Variants in PAX5 observed in about 807,000 individuals in gnomAD.
The protein encoded by PAX5 is paired box protein Pax-5.
A neutral mutation model predicts 43.7 loss-of-function variants in PAX5; 9 were observed. The ratio of observed to expected loss-of-function variants is 0.21; its 90% CI spans 0.12 to 0.36. PAX5 has a LOEUF of 0.36. Among genes scored for constraint, PAX5 ranks in the 10% least tolerant of loss-of-function variants. The pLI is 1.00. For missense variants in PAX5, 383 were observed against 532.7 expected (o/e 0.72, Z 2.77); for synonymous variants, 228 against 214.3 (o/e 1.06, Z -0.56).
rs1832054534 is a variant in PAX5, at chr9:36,941,617, G to C, written c.781-18133C>G. Among the ~76,000 whole-genome samples, 4 of 152,302 alleles carry C rather than the reference G, an allele frequency of 2.6e-5. No individual in the cohort carries two copies. The South Asian group carries it at 8.3e-4, about 32-fold the overall frequency. ...CTAGGAGCCAGCCAGGTAGGCACTG[G>C]GGAGGATCTGGAGACCTCAGACTCC... On this transcript the variant is annotated intron_variant, in intron 6 of 9. Coordinates refer to ENST00000358127, the MANE Select transcript of PAX5 (RefSeq NM_016734.3).
intron 7 of PAX5, among the ~76,000 whole-genome samples, chr9:36,893,276 C>T (rs1046697756): frequency 3.9e-5 from 6 of 152,192 alleles, no homozygotes; most frequent in African/African-American, 9.7e-5. Flanking sequence ...GAACTTCTCG[C>T]GTTCAAGGAC....
chr9:36,918,444 C>T (rs1563965564), intron 7 of PAX5, among the ~76,000 whole-genome samples: 1 of 152,108 alleles, frequency 6.6e-6, no homozygotes, highest in African/African-American at 2.4e-5. Flanking sequence ...GGGAGGATTG[C>T]TTGAGCCTAG....
chr9:36,927,778 G>T (rs1410489166), intron 6 of PAX5, among the ~76,000 whole-genome samples: 1 of 149,362 alleles, frequency 6.7e-6, no homozygotes, highest in Non-Finnish European at 1.5e-5. Context: ...GCACGATCTT[G>T]GCTCACTGCA....
At chr9:37,002,819 G>T in intron 4 of PAX5, 43 bp from the exon 5 acceptor site, 1 of 1,575,792 alleles carries the variant, frequency 6.3e-7, no homozygotes, top group African/African-American at 1.3e-5. Context: ...AGAGGGCTGA[G>T]GGCGGCGGAC....
Position 36,837,067 on chromosome 9 carries a change from T to C in PAX5, c.*3493A>G, listed in dbSNP as rs1422320501. The C allele has an allele frequency of 1.3e-5, 3 of 232,084 alleles. No homozygotes were observed. The highest frequency in any genetic ancestry group is 6.1e-5 in the East Asian group (1 of 16,468). The allele number at this position is 232,084 out of a possible 1,614,324, so 14.4% of individuals were successfully genotyped here. On this transcript the variant is annotated 3_prime_UTR_variant, in exon 10 of 10. Transcript: ENST00000358127. Reference sequence around the variant, plus strand: ...TGGGTCCCTGTTCTTTCTTGCCTGATTGTGGGTCTGGGGGATTTCTAGGGA... The same window carrying C: ...TGGGTCCCTGTTCTTTCTTGCCTGACTGTGGGTCTGGGGGATTTCTAGGGA...
chr9:36,962,299 G>A (rs1410946437), intron 6 of PAX5, among the ~76,000 whole-genome samples: 4 of 152,218 alleles, frequency 2.6e-5, no homozygotes, highest in African/African-American at 4.8e-5. Context: ...CCCTGGAATC[G>A]TCCTGGACCT....
intron 5 of PAX5, 45 bp from the exon 6 acceptor site, chr9:36,966,769 G>A (rs755925384): frequency 5.1e-6 from 8 of 1,568,332 alleles, no homozygotes; most frequent in Middle Eastern, 1.7e-4. Flanking sequence ...GGTTATACAC[G>A]TTGCTAAAGA....
At chr9:37,030,507 T>A (rs920829174) in intron 1 of PAX5, among the ~76,000 whole-genome samples, 2 of 152,188 alleles carry the variant, frequency 1.3e-5, no homozygotes, top group African/African-American at 4.8e-5. Context: ...CTCAACGCAG[T>A]CGGGCCTCAC....
At chr9:36,982,824 G>T (rs969880473) in intron 5 of PAX5, among the ~76,000 whole-genome samples, 2 of 152,094 alleles carry the variant, frequency 1.3e-5, no homozygotes, top group African/African-American at 4.8e-5. Context: ...AATACCTGCA[G>T]ATTTTGCTTT....
At chr9:36,895,109 C>T (rs1478979408) in intron 7 of PAX5, among the ~76,000 whole-genome samples, 2 of 152,228 alleles carry the variant, frequency 1.3e-5, no homozygotes, top group Admixed American at 1.3e-4. Flanking sequence ...CTACCACACG[C>T]TTTCATTTGT....
intron 1 of PAX5, among the ~76,000 whole-genome samples, chr9:37,033,355 T>A (rs745848436): frequency 1.1e-4 from 16 of 152,204 alleles, no homozygotes; most frequent in Non-Finnish European, 2.4e-4. Flanking sequence ...AACATTGGCG[T>A]GTATGCATCG....
intron 1 of PAX5, among the ~76,000 whole-genome samples, chr9:37,028,679 G>T (rs969582424): frequency 2.6e-5 from 4 of 152,192 alleles, no homozygotes; most frequent in Non-Finnish European, 5.9e-5. Context: ...GCCAAGTCGC[G>T]TCCAGGGCTA....
At chr9:36,856,980 C>A (rs757780946) in intron 8 of PAX5, among the ~76,000 whole-genome samples, 5 of 152,190 alleles carry the variant, frequency 3.3e-5, no homozygotes, top group Non-Finnish European at 7.3e-5. Flanking sequence ...CAGGGCCTAA[C>A]CCACTTGGCC....
intron 6 of PAX5, among the ~76,000 whole-genome samples, chr9:36,929,255 AAGGAAGGAAGG>A (rs1830927709): frequency 1.2e-5 from 1 of 80,942 alleles, no homozygotes; most frequent in African/African-American, 3.4e-5. Flanking sequence ...GGAAGGAAGG[AAGGAAGGAAGG>A]AAGGAAGGAA....
At chr9:36,890,444 CTG>C (rs1169383712) in intron 7 of PAX5, among the ~76,000 whole-genome samples, 3 of 152,174 alleles carry the variant, frequency 2.0e-5, no homozygotes, top group Non-Finnish European at 2.9e-5. Context: ...ACTGGCAACT[CTG>C]TCTGCTGGGG....
chr9:37,033,082 C>T (rs1841148020), intron 1 of PAX5, among the ~76,000 whole-genome samples: 1 of 152,212 alleles, frequency 6.6e-6, no homozygotes, highest in Non-Finnish European at 1.5e-5. Context: ...GCTGGGGGTC[C>T]CTAGAAATGT....
At chr9:36,846,262 G>A (rs551706486) in intron 9 of PAX5, among the ~76,000 whole-genome samples, 1 of 152,334 alleles carries the variant, frequency 6.6e-6, no homozygotes, top group South Asian at 2.1e-4. Flanking sequence ...CGGACAATCT[G>A]CCAATCCAAG....
intron 7 of PAX5, among the ~76,000 whole-genome samples, chr9:36,910,754 A>T (rs925350113): frequency 6.6e-6 from 1 of 152,166 alleles, no homozygotes; most frequent in African/African-American, 2.4e-5. Context: ...GAAATCCCCA[A>T]TACCAGAGGT....
At chr9:36,974,910 AG>A (rs2132243453) in intron 5 of PAX5, among the ~76,000 whole-genome samples, 1 of 152,062 alleles carries the variant, frequency 6.6e-6, no homozygotes, top group Non-Finnish European at 1.5e-5. Flanking sequence ...GCCGTTTGTC[AG>A]CCCTCATGTG....
Sources: allele counts gnomAD v4.1 joint callset (sites outside exome capture counted in the v4.1 genomes callset), GRCh38; gene constraint gnomAD v4.1.1; transcripts MANE v1.5; gene names NCBI Gene and HGNC (gene_info 2026-07-23, HGNC 2026-07-21).